The following GSG1L variants were observed in gnomAD, a reference collection of about 807,000 sequenced individuals.
GSG1L encodes the protein germ cell-specific gene 1-like protein.
Under a neutral mutation model 42.1 loss-of-function variants are expected in GSG1L, and 24 were observed. The observed-to-expected ratio is 0.57, with a 90% CI of 0.41 to 0.80. The LOEUF (loss-of-function observed/expected upper bound fraction) is 0.80, where lower values mean the gene tolerates loss of function less well. Ranked by LOEUF, GSG1L falls within the 30% of genes least tolerant of loss-of-function variation. The pLI, the probability that GSG1L is intolerant of heterozygous loss-of-function variation, is 0.00. For synonymous variants in GSG1L, 215 were observed against 203.5 expected, an observed-to-expected ratio of 1.06 and a Z score of -0.48; for missense variants, 445 against 472.2, an observed-to-expected ratio of 0.94 and a Z score of 0.53.
chr16:27,951,704 T>A (rs2084952222), intron 2 of GSG1L, among the ~76,000 whole-genome samples: 1 of 152,202 alleles, frequency 6.6e-6, no homozygotes. Context: ...TGGAAGCAGC[T>A]GTGGAGAGGG....
chr16:27,887,957 GCCA>G (rs1242399276), intron 2 of GSG1L: 4 of 348,754 alleles, frequency 1.1e-5, no homozygotes, highest in African/African-American at 2.2e-5. Flanking sequence ...TGGCCCAAGG[GCCA>G]CCAGGCAGCG....
At chr16:27,979,696 A>AGAGAGAGAGAG (rs1567542876) in intron 1 of GSG1L, among the ~76,000 whole-genome samples, 1 of 52,224 alleles carries the variant, frequency 1.9e-5, no homozygotes, top group Non-Finnish European at 4.2e-5. Context: ...AGAAGGAAGG[A>AGAGAGAGAGAG]AGGAAGGAAG....
intron 1 of GSG1L, among the ~76,000 whole-genome samples, chr16:28,006,743 C>A (rs937590379): frequency 6.6e-6 from 1 of 152,160 alleles, no homozygotes; most frequent in African/African-American, 2.4e-5. Context: ...AAAACTAATA[C>A]ATTCTGAAAA....
At chr16:27,881,042 A>G (rs2083947072) in intron 3 of GSG1L, among the ~76,000 whole-genome samples, 1 of 152,120 alleles carries the variant, frequency 6.6e-6, no homozygotes, top group Non-Finnish European at 1.5e-5. Flanking sequence ...CTCCCAGGTC[A>G]GGGTCCCTCT....
chr16:27,892,371 A>G lies in GSG1L; in HGVS notation c.398-7733T>C, dbSNP rs561743930. Among the ~76,000 whole-genome samples, 59 of 152,034 alleles carry G rather than the reference A, an allele frequency of 3.9e-4. 1 individual carries two copies. Among genetic ancestry groups the G allele is most frequent in the African/African-American group, 1.0e-3 (43 of 41,482 alleles). On this transcript the variant is annotated intron_variant, in intron 2 of 6. Transcript: ENST00000447459. ...TTGGGAGGTTGAGGTGGGAGGGATC[A>G]CTGGAGCCCAGGAGGTTGCGGCTGC...
rs1380124323 is a variant in GSG1L at position 27,850,456 on chromosome 16, A to G, written c.551-5395T>C. 6 of 451,024 alleles carry G rather than the reference A, an allele frequency of 1.3e-5. No individual in the cohort carries two copies. In the Admixed American group the frequency reaches 1.4e-4, roughly 11 times the overall value. The allele number at this position is 451,024 out of a possible 1,614,324, so 27.9% of individuals were successfully genotyped here. ...CATCTGCATGCGAATGATAAATAAC[A>G]CAATGTGCCTAGAAGAGGTCACCTG... On this transcript the variant is annotated intron_variant, in intron 3 of 6. Coordinates refer to ENST00000447459, the MANE Select transcript of GSG1L (RefSeq NM_001109763.2).
intron 1 of GSG1L, among the ~76,000 whole-genome samples, chr16:28,009,965 G>A (rs1430586644): frequency 6.6e-6 from 1 of 152,144 alleles, no homozygotes; most frequent in Non-Finnish European, 1.5e-5. Context: ...AGTGCAGAAG[G>A]CAAGTGCCCC....
intron 2 of GSG1L, among the ~76,000 whole-genome samples, chr16:27,914,498 T>C (rs1439196339): frequency 1.3e-5 from 2 of 151,952 alleles, no homozygotes; most frequent in Non-Finnish European, 2.9e-5. Context: ...TAGAAGCGTT[T>C]TCTCTTTCTT....
chr16:27,860,748 G>T (rs995871244), intron 3 of GSG1L, among the ~76,000 whole-genome samples: 2 of 152,236 alleles, frequency 1.3e-5, no homozygotes, highest in Non-Finnish European at 2.9e-5. Context: ...GGAGTCCAGG[G>T]AGACAGCAGC....
intron 2 of GSG1L, among the ~76,000 whole-genome samples, chr16:27,909,073 C>T (rs1181689820): frequency 6.6e-6 from 1 of 152,156 alleles, no homozygotes; most frequent in Non-Finnish European, 1.5e-5. Flanking sequence ...TGAGTTTCCC[C>T]ACCTGAAAAT....
intron 2 of GSG1L, among the ~76,000 whole-genome samples, chr16:27,935,634 G>A (rs945377391): frequency 6.6e-6 from 1 of 151,758 alleles, no homozygotes; most frequent in Non-Finnish European, 1.5e-5. Flanking sequence ...AAATCAGATC[G>A]TGCCACCTGT....
At chr16:27,928,255 G>A (rs1342655173) in intron 2 of GSG1L, among the ~76,000 whole-genome samples, 1 of 152,206 alleles carries the variant, frequency 6.6e-6, no homozygotes, top group Non-Finnish European at 1.5e-5. Context: ...AGGCTCAGGA[G>A]GTTGAAAGGT....
At chr16:27,891,348 T>G (rs1645368) in intron 2 of GSG1L, among the ~76,000 whole-genome samples, 92,723 of 152,024 alleles carry the variant, frequency 0.61, 28,953 homozygotes, top group Admixed American at 0.74. Context: ...TGCTAATAGG[T>G]CCTTAACACC....
chr16:27,950,700 T>A (rs1454580186), intron 2 of GSG1L, among the ~76,000 whole-genome samples: 1 of 152,134 alleles, frequency 6.6e-6, no homozygotes, highest in African/African-American at 2.4e-5. Flanking sequence ...AGTTGACCTC[T>A]CTGGGCTCTC....
intron 2 of GSG1L, among the ~76,000 whole-genome samples, chr16:27,887,341 T>C (rs1372726445): frequency 6.6e-6 from 1 of 152,198 alleles, no homozygotes; most frequent in Non-Finnish European, 1.5e-5. Context: ...AGAGCCTTCC[T>C]GAGAGTGAAC....
At position 28,063,202 on chromosome 16, in the gene GSG1L, T is replaced by C. The variant is rs575891942; in HGVS notation, c.223A>G (p.Thr75Ala). ...CCAGGGGGGCCGTTCCCCGAGGCGG[T>C]GGCGGCGGCGGCGGCGGCGGCGGGG... The part of the protein sequence containing the change: ...AAPAAAAAAA[T>A]ASGNGPPGGA... The change falls in exon 1 of 7, where the codon ACC becomes GCC. Residue 75 changes from threonine to alanine, a missense_variant. This residue lies in a region of GSG1L where 156 missense variants were observed against 128.3 expected (regional missense o/e 1.22). Transcript: ENST00000447459. The surrounding 1 kb of genome is among the most constrained non-coding windows in gnomAD (Gnocchi z 5.8). 9.0e-4 allele frequency: 1,154 copies of C among 1,281,980 alleles called. No individual in the cohort carries two copies. In the East Asian group the frequency reaches 0.012, roughly 14 times the overall value. 79.4% of individuals were successfully genotyped at this position (1,281,980 alleles called of 1,614,324 possible).
At position 28,026,879 on chromosome 16, in the gene GSG1L, C is replaced by T. The variant is rs561519088; in HGVS notation, c.349+36197G>A. ...GATGGATCACTTGAGGCCAGGAGTT[C>T]GAGACCAGCCTGGCGAACATGGTGA... On this transcript the variant is annotated intron_variant, in intron 1 of 6. Transcript: ENST00000447459. Among the ~76,000 whole-genome samples the T allele has an allele frequency of 1.6e-4, 25 of 152,246 alleles. No homozygotes were observed. The East Asian group carries it at 4.5e-3, about 27-fold the overall frequency.
intron 3 of GSG1L, among the ~76,000 whole-genome samples, chr16:27,868,758 C>T (rs58352049): frequency 0.017 from 2,532 of 152,142 alleles, 68 homozygotes; most frequent in African/African-American, 0.058. Flanking sequence ...GGAGCTGGGG[C>T]GTTTCATGAG....
Position 27,807,482 on chromosome 16 carries a change from C to T in GSG1L, c.898+5G>A. On this transcript the variant is annotated splice_donor_5th_base_variant and intron_variant, in intron 6 of 6. Coordinates refer to ENST00000447459, the MANE Select transcript of GSG1L (RefSeq NM_001109763.2). ...GTAGCAGATACCCACAAACAGGCCA[C>T]TTACGGGCAGGGTATCTCTCGTGGC... 2 of 1,612,262 alleles carry T rather than the reference C, an allele frequency of 1.2e-6. No individual in the cohort carries two copies. Among genetic ancestry groups the T allele is most frequent in the Non-Finnish European group, 1.7e-6 (2 of 1,179,082 alleles).
Sources: allele counts gnomAD v4.1 joint callset (sites outside exome capture counted in the v4.1 genomes callset), GRCh38; gene constraint gnomAD v4.1.1; regional missense constraint gnomAD v4.1.1; non-coding constraint Gnocchi (gnomAD v3.1); transcripts MANE v1.5; gene names NCBI Gene and HGNC (gene_info 2026-07-23, HGNC 2026-07-21).